ASIC2: variants seen among roughly 807,000 people sequenced by gnomAD.
The protein encoded by ASIC2 is acid-sensing ion channel 2.
A neutral mutation model predicts 57.3 loss-of-function variants in ASIC2; 25 were observed. The observed-to-expected ratio is 0.44, with a 90% CI of 0.32 to 0.61. The LOEUF (loss-of-function observed/expected upper bound fraction) is 0.61, where lower values mean the gene tolerates loss of function less well. ASIC2 is among the 20% of genes least tolerant of loss of function. ASIC2 has a pLI of 0.06. For synonymous variants in ASIC2, 319 were observed against 307.5 expected, an observed-to-expected ratio of 1.04 and a Z score of -0.39; for missense variants, 641 against 738.1, an observed-to-expected ratio of 0.87 and a Z score of 1.52.
In ASIC2 at chr17:33,418,024, A is replaced by ATGTGTGTG. The variant is rs57341033; in HGVS notation, c.556-305958_556-305957insCACACACA. Among the ~76,000 whole-genome samples, 826 of 110,138 alleles carry ATGTGTGTG rather than the reference A, an allele frequency of 7.5e-3. 5 individuals carry two copies. Among genetic ancestry groups the ATGTGTGTG allele is most frequent in the African/African-American group, 0.016 (516 of 32,664 alleles). The allele number at this position is 110,138 out of a possible 152,430, so 72.3% of individuals were successfully genotyped here. A position where few individuals can be genotyped will look rare whatever the true frequency, so the allele number is the denominator to read the frequency against. On this transcript the variant is annotated intron_variant, in intron 1 of 9. Transcript: ENST00000359872. ...GGCCCCACTCTGGCTCTCAGCATGT[A>ATGTGTGTG]TGTATGTGTGTGTGTGTGTGTGTGT...
At chr17:33,020,230 T>A (rs2141895582) in intron 7 of ASIC2, among the ~76,000 whole-genome samples, 1 of 152,282 alleles carries the variant, frequency 6.6e-6, no homozygotes, top group Middle Eastern at 3.4e-3. Flanking sequence ...CTACTATTTA[T>A]GGACCTTTTC....
At chr17:33,540,132 T>C (rs1169793713) in intron 1 of ASIC2, among the ~76,000 whole-genome samples, 1 of 152,208 alleles carries the variant, frequency 6.6e-6, no homozygotes, top group Non-Finnish European at 1.5e-5. Context: ...CTGCAGCCTC[T>C]GAGGGAGCAT....
intron 1 of ASIC2, among the ~76,000 whole-genome samples, chr17:33,559,924 G>T (rs1916020553): frequency 6.6e-6 from 1 of 152,218 alleles, no homozygotes; most frequent in Non-Finnish European, 1.5e-5. Context: ...GCATAAAATA[G>T]TATGGAGAAT....
At chr17:33,570,099 T>C (rs1004345854) in intron 1 of ASIC2, among the ~76,000 whole-genome samples, 1 of 152,200 alleles carries the variant, frequency 6.6e-6, no homozygotes, top group Admixed American at 6.5e-5. Context: ...CCCTTTGCTC[T>C]TGCACTAGCT....
At chr17:33,722,390 G>A (rs1390814799) in intron 1 of ASIC2, among the ~76,000 whole-genome samples, 1 of 152,184 alleles carries the variant, frequency 6.6e-6, no homozygotes, top group Non-Finnish European at 1.5e-5. Flanking sequence ...AGCAGCGTGA[G>A]AATAGACTAA....
intron 1 of ASIC2, among the ~76,000 whole-genome samples, chr17:33,398,576 G>C (rs903153089): frequency 6.6e-6 from 1 of 152,134 alleles, no homozygotes; most frequent in Non-Finnish European, 1.5e-5. Flanking sequence ...TGATGATAGT[G>C]ATGGTGGTGG....
At chr17:34,088,053 C>A (rs952052965) in intron 1 of ASIC2, among the ~76,000 whole-genome samples, 1 of 152,236 alleles carries the variant, frequency 6.6e-6, no homozygotes, top group Admixed American at 6.5e-5. Context: ...CAAAGTCATT[C>A]TCCATCCAGC....
intron 1 of ASIC2, among the ~76,000 whole-genome samples, chr17:33,155,851 C>T (rs1415910686): frequency 6.6e-6 from 1 of 152,028 alleles, no homozygotes; most frequent in Non-Finnish European, 1.5e-5. Flanking sequence ...CCTCCACAGC[C>T]TTTCTGTAAA....
intron 1 of ASIC2, among the ~76,000 whole-genome samples, chr17:34,059,731 T>G (rs1269606141): frequency 2.6e-5 from 4 of 152,064 alleles, no homozygotes; most frequent in Non-Finnish European, 2.9e-5. Flanking sequence ...TTTCCCCTAC[T>G]TCCCTGACAA....
intron 1 of ASIC2, among the ~76,000 whole-genome samples, chr17:33,817,228 T>C (rs1912610273): frequency 6.6e-6 from 1 of 152,246 alleles, no homozygotes; most frequent in African/African-American, 2.4e-5. Context: ...CCTGAGGCAC[T>C]TGGGATTTAA....
chr17:34,012,215 G>A (rs188607374), intron 1 of ASIC2, among the ~76,000 whole-genome samples: 41 of 151,966 alleles, frequency 2.7e-4, no homozygotes, highest in Non-Finnish European at 3.7e-4. Context: ...CCAGGCCCCC[G>A]AACCACCATG....
chr17:33,186,026 C>CA (rs34651841), intron 1 of ASIC2, among the ~76,000 whole-genome samples: 4 of 152,118 alleles, frequency 2.6e-5, no homozygotes, highest in Admixed American at 2.6e-4. Context: ...TAGGTGAGTG[C>CA]AAAAGTAATT....
chr17:33,130,522 G>T (rs2092341487), intron 1 of ASIC2, among the ~76,000 whole-genome samples: 1 of 152,204 alleles, frequency 6.6e-6, no homozygotes, highest in South Asian at 2.1e-4. Flanking sequence ...CAGTTGAATG[G>T]GCTACATTGG....
chr17:33,506,177 G>A (rs1024669686), intron 1 of ASIC2, among the ~76,000 whole-genome samples: 12 of 149,180 alleles, frequency 8.0e-5, no homozygotes, highest in African/African-American at 2.7e-4. Flanking sequence ...GGCAGATCAC[G>A]AGGTCAGGAG....
At chr17:33,656,255 A>AAG (rs1406605159) in intron 1 of ASIC2, among the ~76,000 whole-genome samples, 1 of 151,810 alleles carries the variant, frequency 6.6e-6, no homozygotes, top group East Asian at 1.9e-4. Flanking sequence ...AATCTCCAAA[A>AAG]AGAGAGAGAG....
chr17:33,020,124 A>T (rs2091829191), intron 7 of ASIC2, among the ~76,000 whole-genome samples: 1 of 152,122 alleles, frequency 6.6e-6, no homozygotes, highest in African/African-American at 2.4e-5. Flanking sequence ...GGGAGTCCCC[A>T]GCCTCCTGGA....
intron 1 of ASIC2, among the ~76,000 whole-genome samples, chr17:33,853,329 C>T (rs1009216384): frequency 1.3e-4 from 20 of 152,126 alleles, no homozygotes; most frequent in African/African-American, 4.6e-4. Flanking sequence ...GGAGAAAGGG[C>T]TCACCCGGCC....
At chr17:34,034,920 G>T (rs1404220351) in intron 1 of ASIC2, among the ~76,000 whole-genome samples, 2 of 152,128 alleles carry the variant, frequency 1.3e-5, no homozygotes, top group Admixed American at 6.5e-5. Flanking sequence ...TCAATATCAT[G>T]AAAATGGCCA....
At chr17:34,025,341 A>T (rs1238779192) in intron 1 of ASIC2, among the ~76,000 whole-genome samples, 2 of 152,180 alleles carry the variant, frequency 1.3e-5, no homozygotes, top group Non-Finnish European at 2.9e-5. Context: ...CTGTGTGCCA[A>T]AATGGTGCTG....
Sources: allele counts gnomAD v4.1 joint callset (sites outside exome capture counted in the v4.1 genomes callset), GRCh38; gene constraint gnomAD v4.1.1; transcripts MANE v1.5; gene names NCBI Gene and HGNC (gene_info 2026-07-23, HGNC 2026-07-21).